Variants in ZDHHC17 observed in about 807,000 individuals in gnomAD.
ZDHHC17 encodes zDHHC palmitoyltransferase 17.
In ZDHHC17, 40 loss-of-function variants were observed where a neutral mutation model predicts 90.3. The ratio of observed to expected loss-of-function variants is 0.44; its 90% CI spans 0.34 to 0.58. ZDHHC17 has a LOEUF of 0.58. Ranked by LOEUF, ZDHHC17 falls within the 20% of genes least tolerant of loss-of-function variation. The probability of loss-of-function intolerance (pLI) is 0.01; values close to 1 mark genes in which losing one functional copy is unlikely to be tolerated. For missense variants in ZDHHC17, 614 were observed against 780.8 expected (o/e 0.79, Z 2.55); for synonymous variants, 235 against 252.4 (o/e 0.93, Z 0.65).
At chr12:76,785,367 C>A (rs1312108657) in intron 1 of ZDHHC17, among the ~76,000 whole-genome samples, 1 of 151,836 alleles carries the variant, frequency 6.6e-6, no homozygotes, top group Non-Finnish European at 1.5e-5. Flanking sequence ...TTTTTGCAAA[C>A]TTTTTGAAGT....
intron 1 of ZDHHC17, among the ~76,000 whole-genome samples, chr12:76,783,530 G>C (rs932931882): frequency 6.6e-6 from 1 of 152,228 alleles, no homozygotes; most frequent in Non-Finnish European, 1.5e-5. Context: ...CCCATCAGGT[G>C]CTTCGCACAA....
chr12:76,774,164 T>A (rs1002345229), intron 1 of ZDHHC17, among the ~76,000 whole-genome samples: 2 of 152,034 alleles, frequency 1.3e-5, no homozygotes, highest in Non-Finnish European at 2.9e-5. Flanking sequence ...GCAGGAGGAT[T>A]GCTTGAACCC....
chr12:76,834,179 A>T (rs537589562), intron 10 of ZDHHC17, among the ~76,000 whole-genome samples: 3 of 152,222 alleles, frequency 2.0e-5, no homozygotes, highest in Admixed American at 1.3e-4. Context: ...GACTGATTTT[A>T]TTTGGTTTCT....
chr12:76,815,887 C>G lies in ZDHHC17; in HGVS notation c.639C>G (p.Phe213Leu), dbSNP rs1272352747. The G allele has an allele frequency of 7.3e-6, 11 of 1,502,300 alleles. No homozygotes were observed. The highest frequency in any genetic ancestry group is 9.8e-6 in the Non-Finnish European group (11 of 1,121,622). 93.1% of individuals were successfully genotyped at this position (1,502,300 alleles called of 1,614,324 possible). Reference protein sequence around the residue: ...SVDPTRLLLTFNVSVNLGDKY... With the variant: ...SVDPTRLLLTLNVSVNLGDKY... ...ATCCAACTAGATTGCTTTTAACATT[C>G]AATGTTTCAGTTAACCTTGGTGACA... The change falls in exon 7 of 17, where the codon TTC (phenylalanine) becomes TTG (leucine). Residue 213 changes from phenylalanine (F) to leucine (L), a missense_variant. By Grantham distance (22) the Phe-to-Leu change is conservative. Around this residue, in one of 5 missense-constraint regions of ZDHHC17, gnomAD observed 358 missense variants for 380.4 expected, o/e 0.94. Transcript: ENST00000426126.
intron 2 of ZDHHC17, among the ~76,000 whole-genome samples, chr12:76,801,510 C>T (rs534408147): frequency 7.9e-5 from 12 of 151,750 alleles, no homozygotes; most frequent in African/African-American, 2.2e-4. Context: ...AAAAATTAGC[C>T]GGGCATGGTG....
chr12:76,826,425 C>A (rs969752889), intron 8 of ZDHHC17, among the ~76,000 whole-genome samples: 2 of 152,114 alleles, frequency 1.3e-5, no homozygotes, highest in African/African-American at 4.8e-5. Flanking sequence ...GGATTGTTTG[C>A]TTTTATTCTT....
Position 76,785,045 on chromosome 12 carries a change from C to T in ZDHHC17, c.94-12389C>T, listed in dbSNP as rs558222071. ...AGTCCTTCTCTACTATGACAATGCT[C>T]CTGCTAATTTCTCTCATCAAACAAG... is the stretch of plus-strand genomic sequence containing the variant. On this transcript the variant is annotated intron_variant, in intron 1 of 16. Transcript: ENST00000426126. 4.6e-5 allele frequency among the ~76,000 whole-genome samples: 7 copies of T among 152,292 alleles called. No homozygotes were observed. In the South Asian group the frequency reaches 8.3e-4, roughly 18 times the overall value.
chr12:76,769,465 A>T (rs1053145439), intron 1 of ZDHHC17, among the ~76,000 whole-genome samples: 4 of 152,206 alleles, frequency 2.6e-5, no homozygotes, highest in African/African-American at 9.6e-5. Context: ...TTGTACACAT[A>T]TAAGGTAATT....
At chr12:76,772,658 C>G (rs1952507923) in intron 1 of ZDHHC17, among the ~76,000 whole-genome samples, 3 of 150,920 alleles carry the variant, frequency 2.0e-5, no homozygotes, top group Admixed American at 6.6e-5. Flanking sequence ...CCTCAGCCTC[C>G]TGAGTAGCTG....
At chr12:76,834,822 T>C (rs1953344825) in intron 10 of ZDHHC17, among the ~76,000 whole-genome samples, 1 of 152,208 alleles carries the variant, frequency 6.6e-6, no homozygotes, top group African/African-American at 2.4e-5. Flanking sequence ...TCAGTTGCAG[T>C]CTCAACCTTG....
intron 5 of ZDHHC17, among the ~76,000 whole-genome samples, chr12:76,812,190 C>G (rs185833037): frequency 2.0e-4 from 30 of 152,270 alleles, no homozygotes; most frequent in Admixed American, 2.0e-3. Context: ...TTCCAATGTG[C>G]ATTGCATCAT....
chr12:76,794,379 TAG>T (rs1481976137), intron 1 of ZDHHC17, among the ~76,000 whole-genome samples: 1 of 152,170 alleles, frequency 6.6e-6, no homozygotes, highest in East Asian at 1.9e-4. Context: ...ATTATCTTGA[TAG>T]AGTGTTGTCA....
chr12:76,797,941 C>CCA (rs60610921), intron 2 of ZDHHC17, among the ~76,000 whole-genome samples: 11,309 of 147,454 alleles, frequency 0.077, 450 homozygotes, highest in Middle Eastern at 0.088. Context: ...TGAAACTCTG[C>CCA]CACACACACA....
At chr12:76,827,528 T>C (rs1175686184) in intron 9 of ZDHHC17, among the ~76,000 whole-genome samples, 1 of 152,068 alleles carries the variant, frequency 6.6e-6, no homozygotes. Flanking sequence ...CTCTTTTTTC[T>C]TTAAACATCA....
At chr12:76,802,662 G>T (rs1952905453) in intron 2 of ZDHHC17, among the ~76,000 whole-genome samples, 1 of 151,986 alleles carries the variant, frequency 6.6e-6, no homozygotes, top group Admixed American at 6.5e-5. Context: ...AATTGCTATT[G>T]CTTTGTCTTC....
rs955977337 is a variant in ZDHHC17, at chr12:76,764,224, G to T, written c.-13G>T. ...CGCCCGAGCCCCGGGAGGGTGAAACGCTTTCTCCCAGCATGCAGCGGGAGG... is the reference window on the plus strand; with the variant it reads ...CGCCCGAGCCCCGGGAGGGTGAAACTCTTTCTCCCAGCATGCAGCGGGAGG... On this transcript the variant is annotated 5_prime_UTR_variant, in exon 1 of 17. Transcript: ENST00000426126. 6.3e-7 allele frequency: 1 copy of T among 1,577,124 alleles called. No individual in the cohort carries two copies. Among genetic ancestry groups the T allele is most frequent in the African/African-American group, 1.4e-5 (1 of 73,742 alleles).
Position 76,809,804 on chromosome 12 carries a change from G to T in ZDHHC17, c.490G>T (p.Ala164Ser). 1 of 1,610,104 alleles carries T rather than the reference G, an allele frequency of 6.2e-7. No individual in the cohort carries two copies. The highest frequency in any genetic ancestry group is 8.5e-7 in the Non-Finnish European group (1 of 1,178,208). ...DGEGCSCIHL[A>S]AQFGHTSIVA... ...AGAAGGATGTAGCTGTATTCATCTG[G>T]CTGCTCAGTTCGGACATACCTCAAT... The change falls in exon 5 of 17, where the codon GCT becomes TCT. Residue 164 changes from alanine (A) to serine (S), a missense_variant. Ala to Ser is a moderately conservative substitution (Grantham distance 99). Transcript: ENST00000426126.
At chr12:76,834,646 T>C (rs929958828) in intron 10 of ZDHHC17, among the ~76,000 whole-genome samples, 1 of 152,172 alleles carries the variant, frequency 6.6e-6, no homozygotes, top group Non-Finnish European at 1.5e-5. Flanking sequence ...GCTGTATATC[T>C]TTTTTTCCCA....
chr12:76,828,383 T>C lies in ZDHHC17; in HGVS notation c.1041-7T>C. 1 of 1,585,188 alleles carries C rather than the reference T, an allele frequency of 6.3e-7. No homozygotes were observed. The highest frequency in any genetic ancestry group is 8.5e-7 in the Non-Finnish European group (1 of 1,170,218). ...AGCTCATATTTTATAAAACTTGTGT[T>C]TTACAGATCCTTTTTCGATCATTCA... On this transcript the variant is annotated splice_region_variant and splice_polypyrimidine_tract_variant and intron_variant, in intron 9 of 16. Coordinates refer to ENST00000426126, the MANE Select transcript of ZDHHC17 (RefSeq NM_015336.4).
Sources: gnomAD v4.1 joint callset for allele counts (sites outside exome capture counted in the v4.1 genomes callset) on GRCh38, gnomAD v4.1.1 for gene constraint, gnomAD v4.1.1 regional missense constraint, MANE v1.5 for transcripts, NCBI Gene and HGNC (gene_info 2026-07-23, HGNC 2026-07-21) for gene names.